Variants in FLG observed in about 807,000 individuals in gnomAD.
FLG encodes epidermal filaggrin.
Under a neutral mutation model 3.8 loss-of-function variants are expected in FLG, and 6 were observed. The observed-to-expected ratio is 1.60, with a 90% CI of 0.87 to 3.15. The LOEUF is 3.15. FLG is among the 30% of genes most tolerant of loss of function. FLG has a pLI of 0.00. For missense variants in FLG, 7,595 were observed against 5,050.9 expected, an observed-to-expected ratio of 1.50 and a Z score of -15.27; for synonymous variants, 2,551 against 1,931.6, an observed-to-expected ratio of 1.32 and a Z score of -8.41.
chr1:152,307,401 G>T lies in FLG; in HGVS notation c.7485C>A (p.Thr2495=). 9 of 1,613,214 alleles carry T rather than the reference G, an allele frequency of 5.6e-6. No individual in the cohort carries two copies. The highest frequency in any genetic ancestry group is 7.6e-6 in the Non-Finnish European group (9 of 1,179,706). Residue 2495 remains threonine, a synonymous_variant, in exon 3 of 3, where the codon ACC becomes ACA. Coordinates refer to ENST00000368799, the MANE Select transcript of FLG (RefSeq NM_002016.2). ...AGGCATCAGACCTTCCCTGGGATGT[G>T]GTGTGGCTGTGATGAGACCCTGAGT... ...SGHSGSHHSH[T]TSQGRSDASH... is the part of the protein sequence containing the mutation.
rs1234781391 is a variant in FLG, at chr1:152,311,630, C to G, written c.3256G>C (p.Val1086Leu). 6.2e-7 allele frequency: 1 copy of G among 1,614,164 alleles called. No homozygotes were observed. The highest frequency in any genetic ancestry group is 1.1e-5 in the South Asian group (1 of 91,074). The change falls in exon 3 of 3, where the codon GTG (valine) becomes CTG (leucine). Residue 1086 changes from valine to leucine, a missense_variant. Physicochemically the swap from Val to Leu is conservative, Grantham distance 32. Coordinates refer to ENST00000368799, the MANE Select transcript of FLG (RefSeq NM_002016.2). ...GHSEESDTQSVSGHGQDGPHQ... is the reference protein window; with the variant it reads ...GHSEESDTQSLSGHGQDGPHQ... ...GGCCCATCCTGTCCATGGCCTGACA[C>G]TGACTGTGTGTCTGACTCCTCTGAA...
In FLG at chr1:152,310,121, G is replaced by C. The variant is rs199547111; in HGVS notation, c.4765C>G (p.Arg1589Gly). Residue 1589 changes from arginine (R) to glycine (G), a missense_variant, in exon 3 of 3, where the codon CGC (arginine) becomes GGC (glycine). Arg to Gly is a moderately radical substitution (Grantham distance 125). Transcript: ENST00000368799. The stretch of plus-strand genomic sequence containing the variant: ...TCCTGACTAACACTGGATCCCTGGC[G>C]CCTGCTTGTCTTGGACCCCGCTGAT... ...GESAGSKTSRRQGSSVSQDRD... is the reference protein window; with the variant it reads ...GESAGSKTSRGQGSSVSQDRD... 6.2e-7 allele frequency: 1 copy of C among 1,613,878 alleles called. No individual in the cohort carries two copies. Among genetic ancestry groups the C allele is most frequent in the East Asian group, 2.2e-5 (1 of 44,838 alleles).
In FLG at chr1:152,303,466, C is replaced by A. The variant is rs1651727730; in HGVS notation, c.11420G>T (p.Arg3807Ile). ...ATTACGTGTTTCTCTGCTTGCACTT[C>A]TGGATCCTGACTGCCCATGGGAGGC... is the stretch of plus-strand genomic sequence containing the variant. ...SDASHGQSGS[R>I]SASRETRNEE... is the part of the protein sequence containing the mutation. Residue 3807 changes from arginine to isoleucine, a missense_variant, in exon 3 of 3, where the codon AGA becomes ATA. Physicochemically the swap from Arg to Ile is moderately conservative, Grantham distance 97. Transcript: ENST00000368799. The A allele has an allele frequency of 1.2e-6, 2 of 1,614,132 alleles. No individual in the cohort carries two copies. Among genetic ancestry groups the A allele is most frequent in the East Asian group, 4.5e-5 (2 of 44,868 alleles).
At position 152,305,378 on chromosome 1, in the gene FLG, G is replaced by T. The variant is rs1651886197; in HGVS notation, c.9508C>A (p.Gln3170Lys). 6.2e-7 allele frequency: 1 copy of T among 1,607,988 alleles called. No homozygotes were observed. The highest frequency in any genetic ancestry group is 8.5e-7 in the Non-Finnish European group (1 of 1,179,200). ...GAGTGCCTGGAGCTGTCTCCTGATTGTTCCTCATTACGTGTTGTTCTGCTT... is the reference window on the plus strand; with the variant it reads ...GAGTGCCTGGAGCTGTCTCCTGATTTTTCCTCATTACGTGTTGTTCTGCTT... ...SASRTTRNEE[Q>K]SGDSSRHSVS... Residue 3170 changes from glutamine to lysine, a missense_variant, in exon 3 of 3, where the codon CAA (glutamine) becomes AAA (lysine). By Grantham distance (53) the Gln-to-Lys change is moderately conservative. Coordinates refer to ENST00000368799, the MANE Select transcript of FLG (RefSeq NM_002016.2).
rs955580281 is a variant in FLG, at chr1:152,303,366, A to G, written c.11520T>C (p.Ser3840=). 1.9e-6 allele frequency: 3 copies of G among 1,614,074 alleles called. No individual in the cohort carries two copies. The highest frequency in any genetic ancestry group is 1.3e-5 in the African/African-American group (1 of 75,002). The part of the protein sequence containing the change: ...HHEASTQADS[S]RHSQSGQGES... ...CACCCTGGCCGGACTGTGAGTGTCTAGAGCTGTCAGCCTGAGTGGAAGCTT... is the reference window on the plus strand; with the variant it reads ...CACCCTGGCCGGACTGTGAGTGTCTGGAGCTGTCAGCCTGAGTGGAAGCTT... The change falls in exon 3 of 3, where the codon TCT becomes TCC. Residue 3840 remains serine, a synonymous_variant. Coordinates refer to ENST00000368799, the MANE Select transcript of FLG (RefSeq NM_002016.2).
intron 1 of FLG, among the ~76,000 whole-genome samples, chr1:152,323,835 C>G (rs1275445452): frequency 6.6e-6 from 1 of 151,702 alleles, no homozygotes; most frequent in Non-Finnish European, 1.5e-5. Context: ...CAAAAAAGTG[C>G]ATAGCCCTAT....
intron 1 of FLG, among the ~76,000 whole-genome samples, 152 bp from the exon 2 acceptor site, chr1:152,315,629 T>G (rs1002162809): frequency 1.3e-5 from 2 of 152,222 alleles, no homozygotes; most frequent in African/African-American, 4.8e-5. Context: ...TTCTCTACCA[T>G]CTACATAAAA....
At position 152,312,019 on chromosome 1, in the gene FLG, G is replaced by A. The variant is rs201154035; in HGVS notation, c.2867C>T (p.Ser956Leu). Residue 956 changes from serine to leucine, a missense_variant, in exon 3 of 3, where the codon TCA (serine) becomes TTA (leucine). Transcript: ENST00000368799. ...VSQDSDSEGH[S>L]EDSERWSGSA... ...CCCAGACCACCTCTCAGAGTCTTCTGAATGTCCCTCACTGTCACTGTCCTG... is the reference window on the plus strand; with the variant it reads ...CCCAGACCACCTCTCAGAGTCTTCTAAATGTCCCTCACTGTCACTGTCCTG... 4.7e-5 allele frequency: 76 copies of A among 1,614,132 alleles called. No homozygotes were observed. The Middle Eastern group carries it at 9.9e-4, about 21-fold the overall frequency.
At position 152,312,482 on chromosome 1, in the gene FLG, G is replaced by C. The variant is rs150611953; in HGVS notation, c.2404C>G (p.Gln802Glu). Reference sequence around the variant, plus strand: ...GTCCATCCATGGGAGGACTCAGACTGTTTATGAGTGCTCACCTGGTAGAGG... The same window carrying C: ...GTCCATCCATGGGAGGACTCAGACTCTTTATGAGTGCTCACCTGGTAGAGG... ...SFLYQVSTHK[Q>E]SESSHGWTGP... The change falls in exon 3 of 3, where the codon CAG becomes GAG. Residue 802 changes from glutamine to glutamate, a missense_variant. By Grantham distance (29) the Gln-to-Glu change is conservative. Transcript: ENST00000368799. 1.2e-6 allele frequency: 2 copies of C among 1,613,664 alleles called. No individual in the cohort carries two copies. The highest frequency in any genetic ancestry group is 2.2e-5 in the South Asian group (2 of 91,036).
chr1:152,308,471 G>C lies in FLG; in HGVS notation c.6415C>G (p.Arg2139Gly), dbSNP rs758203305. Residue 2139 changes from arginine (R) to glycine (G), a missense_variant, in exon 3 of 3, where the codon CGT (arginine) becomes GGT (glycine). Transcript: ENST00000368799. ...CCTCTGCTTGGCCCCGGGTGTCCAC[G>C]AATGGTGTCCTGACCCTCTTGGGAT... Reference protein sequence around the residue: ...SASQEGQDTIRGHPGPSRGGR... With the variant: ...SASQEGQDTIGGHPGPSRGGR... 4.2e-5 allele frequency: 68 copies of C among 1,613,576 alleles called. No individual in the cohort carries two copies. Among genetic ancestry groups the C allele is most frequent in the Non-Finnish European group, 5.5e-5 (65 of 1,179,846 alleles).
Position 152,313,761 on chromosome 1 carries a change from C to T in FLG, c.1125G>A (p.Gln375=), listed in dbSNP as rs753010413. Residue 375 remains glutamine, a synonymous_variant, in exon 3 of 3, where the codon CAG becomes CAA. Coordinates refer to ENST00000368799, the MANE Select transcript of FLG (RefSeq NM_002016.2). ...GTCTTTCTCCTGGACTTGATCTTGCCTGTTCATGGGATGATGCAGTCTGTC... is the reference window on the plus strand; with the variant it reads ...GTCTTTCTCCTGGACTTGATCTTGCTTGTTCATGGGATGATGCAGTCTGTC... ...SRGQTASSHE[Q]ARSSPGERHG... 12 of 1,613,946 alleles carry T rather than the reference C, an allele frequency of 7.4e-6. No individual in the cohort carries two copies. In the East Asian group the frequency reaches 2.7e-4, roughly 36 times the overall value.
intron 1 of FLG, among the ~76,000 whole-genome samples, chr1:152,318,554 C>G (rs1652860583): frequency 6.7e-6 from 1 of 148,464 alleles, no homozygotes; most frequent in Admixed American, 6.7e-5. Flanking sequence ...GTGGCTGTGT[C>G]TTAGACCTTC....
rs752312914 is a variant in FLG at position 152,304,896 on chromosome 1, A to G, written c.9990T>C (p.Ser3330=). The change falls in exon 3 of 3, where the codon AGT becomes AGC. Residue 3330 remains serine, a synonymous_variant. Transcript: ENST00000368799. ...RGQASSAVRD[S]RHWGSSGSQA... is the part of the protein sequence containing the mutation. ...GACTACCACTGGACCCCCAGTGTCT[A>G]CTGTCTCTGACTGCAGATGAAGCTT... 3 of 1,613,240 alleles carry G rather than the reference A, an allele frequency of 1.9e-6. No individual in the cohort carries two copies. The highest frequency in any genetic ancestry group is 2.5e-6 in the Non-Finnish European group (3 of 1,179,886).
rs142877589 is a variant in FLG at position 152,304,963 on chromosome 1, T to C, written c.9923A>G (p.Gln3308Arg). The C allele has an allele frequency of 6.2e-7, 1 of 1,613,858 alleles. No individual in the cohort carries two copies. Residue 3308 changes from glutamine (Q) to arginine (R), a missense_variant, in exon 3 of 3, where the codon CAG (glutamine) becomes CGG (arginine). Gln to Arg is a conservative substitution (Grantham distance 43). Coordinates refer to ENST00000368799, the MANE Select transcript of FLG (RefSeq NM_002016.2). ...TGAGTGTCTGGAGCTGTCTGCTGACTGCTGGTGGCGGGATCCGTGTCTCTC... is the reference window on the plus strand; with the variant it reads ...TGAGTGTCTGGAGCTGTCTGCTGACCGCTGGTGGCGGGATCCGTGTCTCTC... ...PGERHGSRHQ[Q>R]SADSSRHSGI...
rs1252675437 is a variant in FLG at position 152,314,217 on chromosome 1, C to G, written c.669G>C (p.Met223Ile). The G allele has an allele frequency of 1.2e-6, 2 of 1,613,762 alleles. No homozygotes were observed. Among genetic ancestry groups the G allele is most frequent in the Non-Finnish European group, 1.7e-6 (2 of 1,179,974 alleles). The part of the protein sequence containing the change: ...GVYDYENTGR[M>I]TQKWIQSGHI... Reference sequence around the variant, plus strand: ...GGCCTGATTGTATCCATTTTTGAGTCATTCTTCCTGTATTTTCATAATCAT... The same window carrying G: ...GGCCTGATTGTATCCATTTTTGAGTGATTCTTCCTGTATTTTCATAATCAT... The change falls in exon 3 of 3, where the codon ATG becomes ATC. Residue 223 changes from methionine (M) to isoleucine (I), a missense_variant. Transcript: ENST00000368799.
Position 152,308,470 on chromosome 1 carries a change from C to A in FLG, c.6416G>T (p.Arg2139Leu). The change falls in exon 3 of 3, where the codon CGT becomes CTT. Residue 2139 changes from arginine to leucine, a missense_variant. Coordinates refer to ENST00000368799, the MANE Select transcript of FLG (RefSeq NM_002016.2). ...SASQEGQDTI[R>L]GHPGPSRGGR... is the part of the protein sequence containing the mutation. ...TCCTCTGCTTGGCCCCGGGTGTCCA[C>A]GAATGGTGTCCTGACCCTCTTGGGA... 6.2e-7 allele frequency: 1 copy of A among 1,613,674 alleles called. No individual in the cohort carries two copies. Among genetic ancestry groups the A allele is most frequent in the Non-Finnish European group, 8.5e-7 (1 of 1,179,838 alleles).
chr1:152,319,308 A>ATGTGTG (rs138449164), intron 1 of FLG, among the ~76,000 whole-genome samples: 3,382 of 145,268 alleles, frequency 0.023, 137 homozygotes, highest in African/African-American at 0.08. Context: ...CAACTAGAAA[A>ATGTGTG]TGTGTGTGTG....
rs749430862 is a variant in FLG at position 152,313,360 on chromosome 1, G to A, written c.1526C>T (p.Ser509Phe). 2.5e-6 allele frequency: 4 copies of A among 1,613,340 alleles called. No individual in the cohort carries two copies. The highest frequency in any genetic ancestry group is 3.4e-6 in the Non-Finnish European group (4 of 1,179,850). ...QARDSSRHSA[S>F]QEGQDTIRGH... Reference sequence around the variant, plus strand: ...ACGAATGGTGTCCTGACCCTCTTGGGACGCTGAATGCCTGGAGCTGTCTCG... The same window carrying A: ...ACGAATGGTGTCCTGACCCTCTTGGAACGCTGAATGCCTGGAGCTGTCTCG... Residue 509 changes from serine (S) to phenylalanine (F), a missense_variant, in exon 3 of 3, where the codon TCC becomes TTC. Coordinates refer to ENST00000368799, the MANE Select transcript of FLG (RefSeq NM_002016.2).
chr1:152,308,534 G>A lies in FLG; in HGVS notation c.6352C>T (p.His2118Tyr). 1 of 1,613,690 alleles carries A rather than the reference G, an allele frequency of 6.2e-7. No individual in the cohort carries two copies. The highest frequency in any genetic ancestry group is 1.1e-5 in the South Asian group (1 of 91,032). Residue 2118 changes from histidine to tyrosine, a missense_variant, in exon 3 of 3, where the codon CAT becomes TAT. Transcript: ENST00000368799. ...GAGCTGTCTTGTGCCTGATCATAAT[G>A]GGATCCTTGTCTTCCTCCAGTGCTG... Reference protein sequence around the residue: ...APSTGGRQGSHYDQAQDSSRH... With the variant: ...APSTGGRQGSYYDQAQDSSRH...
Sources: allele counts gnomAD v4.1 joint callset (sites outside exome capture counted in the v4.1 genomes callset), GRCh38; gene constraint gnomAD v4.1.1; transcripts MANE v1.5; gene names NCBI Gene and HGNC (gene_info 2026-07-23, HGNC 2026-07-21).